RAP1GDS1: variants seen among roughly 807,000 people sequenced by gnomAD.
The protein encoded by RAP1GDS1 is RAP1, GTP-GDP dissociation stimulator 1.
In RAP1GDS1, 35 loss-of-function variants were observed where a neutral mutation model predicts 71.1. That is an observed-to-expected ratio of 0.49 (90% CI 0.38 to 0.65). RAP1GDS1 has a LOEUF of 0.65. RAP1GDS1 is among the 30% of genes least tolerant of loss of function. RAP1GDS1 has a pLI of 0.00. For missense variants in RAP1GDS1, 663 were observed against 706.1 expected, an observed-to-expected ratio of 0.94 and a Z score of 0.69; for synonymous variants, 229 against 243.1, an observed-to-expected ratio of 0.94 and a Z score of 0.54.
intron 2 of RAP1GDS1, among the ~76,000 whole-genome samples, chr4:98,321,786 G>C (rs1731959744): frequency 7.6e-6 from 1 of 131,312 alleles, no homozygotes; most frequent in Admixed American, 8.1e-5. Context: ...ACATGGAAAG[G>C]AACAACCGGT....
intron 6 of RAP1GDS1, among the ~76,000 whole-genome samples, chr4:98,394,319 A>G (rs776726685): frequency 6.6e-6 from 1 of 152,148 alleles, no homozygotes; most frequent in African/African-American, 2.4e-5. Flanking sequence ...CCACTTCTCA[A>G]ATGAGAGTCA....
chr4:98,324,993 A>C (rs1310579546), intron 2 of RAP1GDS1, among the ~76,000 whole-genome samples: 106 of 150,414 alleles, frequency 7.0e-4, no homozygotes, highest in African/African-American at 1.7e-3. Context: ...CAACCTACAA[A>C]ATGGGAGAAA....
At chr4:98,416,409 C>T (rs1276243728) in intron 7 of RAP1GDS1, among the ~76,000 whole-genome samples, 1 of 116,584 alleles carries the variant, frequency 8.6e-6, no homozygotes, top group Admixed American at 1.2e-4. Context: ...TGCAGTGTTG[C>T]AATCTTGGCT....
chr4:98,394,014 A>C (rs1349579114), intron 6 of RAP1GDS1, among the ~76,000 whole-genome samples: 1 of 152,156 alleles, frequency 6.6e-6, no homozygotes, highest in East Asian at 1.9e-4. Flanking sequence ...CACTCTGTTA[A>C]GGCCCTCCCT....
chr4:98,305,906 T>A (rs1247740466), intron 2 of RAP1GDS1, among the ~76,000 whole-genome samples: 1 of 152,166 alleles, frequency 6.6e-6, no homozygotes, highest in Non-Finnish European at 1.5e-5. Context: ...GAAATGTGAT[T>A]TGAAATGATG....
intron 2 of RAP1GDS1, among the ~76,000 whole-genome samples, chr4:98,303,358 A>C (rs930938463): frequency 1.2e-4 from 18 of 152,146 alleles, no homozygotes; most frequent in African/African-American, 4.3e-4. Context: ...TGTGTTGTAC[A>C]TCTAAAAAAC....
At chr4:98,323,363 T>A (rs1732320355) in intron 2 of RAP1GDS1, among the ~76,000 whole-genome samples, 1 of 137,494 alleles carries the variant, frequency 7.3e-6, no homozygotes, top group South Asian at 2.4e-4. Context: ...ACTGGTACCA[T>A]TCCTTCTGAA....
intron 1 of RAP1GDS1, among the ~76,000 whole-genome samples, chr4:98,269,212 G>C (rs1396848486): frequency 6.9e-6 from 1 of 145,208 alleles, no homozygotes; most frequent in Non-Finnish European, 1.5e-5. Flanking sequence ...GAAACACAAT[G>C]GGGACAGGAC....
intron 7 of RAP1GDS1, among the ~76,000 whole-genome samples, chr4:98,411,097 G>T (rs574248869): frequency 6.6e-6 from 1 of 152,288 alleles, no homozygotes; most frequent in South Asian, 2.1e-4. Context: ...TATATATGAT[G>T]CATACATGAT....
At chr4:98,321,730 G>C (rs1256268829) in intron 2 of RAP1GDS1, among the ~76,000 whole-genome samples, 1 of 115,400 alleles carries the variant, frequency 8.7e-6, no homozygotes, top group Non-Finnish European at 1.8e-5. Context: ...GAGAGATTTT[G>C]TCACCACCAG....
At chr4:98,265,195 C>A (rs73832190) in intron 1 of RAP1GDS1, among the ~76,000 whole-genome samples, 1 of 151,974 alleles carries the variant, frequency 6.6e-6, no homozygotes. Context: ...GTTATGGCAA[C>A]GGGAATAGAA....
At position 98,393,654 on chromosome 4, in the gene RAP1GDS1, C is replaced by T. The variant is rs563724193; in HGVS notation, c.637+1574C>T. Among the ~76,000 whole-genome samples, 40 of 152,256 alleles carry T rather than the reference C, an allele frequency of 2.6e-4. No individual in the cohort carries two copies. In the South Asian group the frequency reaches 8.1e-3, roughly 31 times the overall value. ...CTTTGCTGTTACATTTTAATGTGAG[C>T]AGTTTCTAGAACAGCACTGTCCAAT... On this transcript the variant is annotated intron_variant, in intron 6 of 14. Coordinates refer to ENST00000408927, the MANE Select transcript of RAP1GDS1 (RefSeq NM_001100427.2).
intron 4 of RAP1GDS1, among the ~76,000 whole-genome samples, chr4:98,352,876 G>GA (rs1364980680): frequency 2.6e-5 from 4 of 152,130 alleles, no homozygotes; most frequent in Non-Finnish European, 4.4e-5. Flanking sequence ...TGTAAGTTTA[G>GA]AAAAAATACA....
At chr4:98,374,871 G>A (rs1740934739) in intron 4 of RAP1GDS1, among the ~76,000 whole-genome samples, 1 of 152,116 alleles carries the variant, frequency 6.6e-6, no homozygotes, top group South Asian at 2.1e-4. Context: ...TCCTCTCCCA[G>A]TGGTAAATTG....
chr4:98,265,372 T>C (rs902820003), intron 1 of RAP1GDS1, among the ~76,000 whole-genome samples: 1 of 152,166 alleles, frequency 6.6e-6, no homozygotes, highest in African/African-American at 2.4e-5. Context: ...TGCATTAGAC[T>C]TTTTGGTCTG....
intron 2 of RAP1GDS1, among the ~76,000 whole-genome samples, chr4:98,318,835 C>T (rs185905917): frequency 2.4e-4 from 37 of 152,310 alleles, no homozygotes; most frequent in African/African-American, 7.2e-4. Flanking sequence ...CAACTCAGAA[C>T]GGCATGCAAT....
chr4:98,312,563 G>T (rs1730382579), intron 2 of RAP1GDS1, among the ~76,000 whole-genome samples: 1 of 152,088 alleles, frequency 6.6e-6, no homozygotes. Context: ...TCTAATATTT[G>T]TGTGGTACGT....
At position 98,349,155 on chromosome 4, in the gene RAP1GDS1, G is replaced by A. The variant is rs191701757; in HGVS notation, c.236-3321G>A. Among the ~76,000 whole-genome samples the A allele has an allele frequency of 7.9e-3, 1,207 of 152,276 alleles. 16 individuals are homozygous for A. The highest frequency in any genetic ancestry group is 0.028 in the African/African-American group (1,155 of 41,548). On this transcript the variant is annotated intron_variant, in intron 3 of 14. Transcript: ENST00000408927. Reference sequence around the variant, plus strand: ...GAATGAATTTTTGTATAAGGTGTAAGGAAGGGATCCAGTTTCAGCTTTCTA... The same window carrying A: ...GAATGAATTTTTGTATAAGGTGTAAAGAAGGGATCCAGTTTCAGCTTTCTA...
chr4:98,338,119 A>G (rs1486248765), intron 2 of RAP1GDS1, among the ~76,000 whole-genome samples: 1 of 152,108 alleles, frequency 6.6e-6, no homozygotes, highest in African/African-American at 2.4e-5. Context: ...AAAAAGATAG[A>G]TGCAAAAGAC....
Sources: gnomAD v4.1 joint callset for allele counts (sites outside exome capture counted in the v4.1 genomes callset) on GRCh38, gnomAD v4.1.1 for gene constraint, MANE v1.5 for transcripts, NCBI Gene and HGNC (gene_info 2026-07-23, HGNC 2026-07-21) for gene names.